The following INTS13 variants were observed in gnomAD, a reference collection of about 807,000 sequenced individuals.
The protein encoded by INTS13 is asunder, spermatogenesis regulator homolog (Drosphila).
A neutral mutation model predicts 90.2 loss-of-function variants in INTS13; 35 were observed. That is an observed-to-expected ratio of 0.39 (90% CI 0.30 to 0.51). The LOEUF is 0.51. Ranked by LOEUF, INTS13 falls within the 20% of genes least tolerant of loss-of-function variation. The pLI is 0.80. For synonymous variants in INTS13, 309 were observed against 277.1 expected, an observed-to-expected ratio of 1.11 and a Z score of -1.14; for missense variants, 601 against 851.2, an observed-to-expected ratio of 0.71 and a Z score of 3.66.
chr12:26,930,564 T>G (rs1036874802), intron 3 of INTS13, among the ~76,000 whole-genome samples: 2 of 152,242 alleles, frequency 1.3e-5, no homozygotes, highest in Admixed American at 6.5e-5. Context: ...TATACATTCT[T>G]GAACACCAGT....
intron 11 of INTS13, among the ~76,000 whole-genome samples, chr12:26,914,843 C>CT (rs921058475): frequency 6.6e-6 from 1 of 152,140 alleles, no homozygotes; most frequent in African/African-American, 2.4e-5. Context: ...CCAAGGAACA[C>CT]TTTTTTTCCC....
chr12:26,913,173 A>G (rs780953158), intron 14 of INTS13, among the ~76,000 whole-genome samples: 22 of 152,216 alleles, frequency 1.4e-4, no homozygotes, highest in Non-Finnish European at 2.9e-4. Context: ...TGAAGTTCAC[A>G]ACACATAAAG....
chr12:26,905,315 T>A lies in INTS13; in HGVS notation c.*182A>T, dbSNP rs528619028. On this transcript the variant is annotated 3_prime_UTR_variant, in exon 17 of 17. Coordinates refer to ENST00000261191, the MANE Select transcript of INTS13 (RefSeq NM_018164.3). ...ATTTGGGAGGACAAATCATCTCAAATGTATATTTTTGAATTATGTGCCAAT... is the reference window on the plus strand; with the variant it reads ...ATTTGGGAGGACAAATCATCTCAAAAGTATATTTTTGAATTATGTGCCAAT... 5.4e-6 allele frequency: 3 copies of A among 552,182 alleles called. No individual in the cohort carries two copies. Among genetic ancestry groups the A allele is most frequent in the Non-Finnish European group, 6.2e-6 (2 of 321,906 alleles). The allele number at this position is 552,182 out of a possible 1,614,324, so 34.2% of individuals were successfully genotyped here. A position where few individuals can be genotyped will look rare whatever the true frequency, so the allele number is the denominator to read the frequency against.
At chr12:26,919,013 A>C (rs1212044377) in intron 8 of INTS13, 1 of 374,796 alleles carries the variant, frequency 2.7e-6, no homozygotes, top group Non-Finnish European at 5.5e-6. Flanking sequence ...AAAAAATACA[A>C]AAATTAGCCA....
chr12:26,932,342 C>A (rs1225537924), intron 3 of INTS13, among the ~76,000 whole-genome samples: 3 of 152,078 alleles, frequency 2.0e-5, no homozygotes, highest in Admixed American at 2.0e-4. Context: ...ACTAGAGGCA[C>A]CAATTACCAA....
At chr12:26,925,952 GC>G in intron 5 of INTS13, 101 bp from the exon 6 acceptor site, 2 of 776,120 alleles carry the variant, frequency 2.6e-6, no homozygotes, top group Non-Finnish European at 4.2e-6. Flanking sequence ...ACATCATATT[GC>G]TACAATTAGA....
intron 10 of INTS13, 133 bp from the exon 11 acceptor site, chr12:26,916,313 G>A (rs952486345): frequency 1.3e-6 from 1 of 788,234 alleles, no homozygotes; most frequent in African/African-American, 1.7e-5. Flanking sequence ...CTAATTTAGT[G>A]TATCTACTCT....
chr12:26,911,113 G>A, intron 15 of INTS13, 65 bp downstream of exon 15: 1 of 1,536,474 alleles, frequency 6.5e-7, no homozygotes, highest in Non-Finnish European at 8.8e-7. Flanking sequence ...GGGATTACAG[G>A]GGTAAGCCAC....
chr12:26,930,196 G>T (rs1938116035), intron 3 of INTS13, among the ~76,000 whole-genome samples: 1 of 152,184 alleles, frequency 6.6e-6, no homozygotes, highest in Non-Finnish European at 1.5e-5. Context: ...CATGCTCATG[G>T]ATTGGAAGAG....
At chr12:26,925,680 G>A (rs1937828108) in intron 6 of INTS13, 81 bp downstream of exon 6, 1 of 1,154,852 alleles carries the variant, frequency 8.7e-7, no homozygotes, top group African/African-American at 1.6e-5. Context: ...TATTGGCAAT[G>A]GATCATTTTA....
chr12:26,937,785 G>C lies in INTS13; in HGVS notation c.-12+11C>G, dbSNP rs1938557050. On this transcript the variant is annotated intron_variant, in intron 1 of 16. Coordinates refer to ENST00000261191, the MANE Select transcript of INTS13 (RefSeq NM_018164.3). ...TGGATAGGGAAGACCTCAGGATCGA[G>C]GTTCGCTTACTTTCGTGCCTGGTCC... The C allele has an allele frequency of 6.5e-6, 1 of 152,726 alleles. No individual in the cohort carries two copies. The highest frequency in any genetic ancestry group is 2.1e-4 in the South Asian group (1 of 4,836). The allele number at this position is 152,726 out of a possible 1,614,324, so 9.5% of individuals were successfully genotyped here.
At chr12:26,912,649 G>T (rs61923393) in intron 14 of INTS13, among the ~76,000 whole-genome samples, 15,460 of 151,816 alleles carry the variant, frequency 0.1, 1,050 homozygotes, top group East Asian at 0.16. Context: ...TTTCAGAATA[G>T]ACTGTATGCC....
At chr12:26,931,288 C>T (rs185213433) in intron 3 of INTS13, among the ~76,000 whole-genome samples, 35 of 151,878 alleles carry the variant, frequency 2.3e-4, no homozygotes, top group Admixed American at 2.2e-3. Context: ...ACGAAAAATA[C>T]AAAAAATTAG....
chr12:26,920,600 C>G (rs1262800153), intron 8 of INTS13, among the ~76,000 whole-genome samples: 1 of 152,058 alleles, frequency 6.6e-6, no homozygotes, highest in East Asian at 1.9e-4. Context: ...GGGGTTTCAC[C>G]ATGTTGGCCA....
At chr12:26,919,006 A>G (rs1366535082) in intron 8 of INTS13, 7 of 368,016 alleles carry the variant, frequency 1.9e-5, no homozygotes, top group African/African-American at 1.0e-4. Context: ...TCTATGGAAA[A>G]AATACAAAAA....
chr12:26,914,808 A>G (rs1364123363), intron 11 of INTS13, among the ~76,000 whole-genome samples: 1 of 152,182 alleles, frequency 6.6e-6, no homozygotes, highest in Non-Finnish European at 1.5e-5. Flanking sequence ...CATTCATGGT[A>G]TGTTTTCCCC....
At position 26,917,389 on chromosome 12, in the gene INTS13, A is replaced by G; in HGVS notation, c.1032T>C (p.Ser344=). 6.4e-7 allele frequency: 1 copy of G among 1,567,524 alleles called. No homozygotes were observed. The highest frequency in any genetic ancestry group is 1.2e-5 in the South Asian group (1 of 83,874). The change falls in exon 10 of 17, where the codon AGT becomes AGC. Residue 344 remains serine (S), a synonymous_variant. Coordinates refer to ENST00000261191, the MANE Select transcript of INTS13 (RefSeq NM_018164.3). ...AATTAGTAAGGCAGGAGGAAGGTCT[A>G]CTATTTACATCTACAGGTGAAATCC... is the stretch of plus-strand genomic sequence containing the variant. ...AYRISPVDVN[S]RPSSCLTNFL...
chr12:26,906,257 T>TA lies in INTS13; in HGVS notation c.2081+44dup, dbSNP rs146283660. On this transcript the variant is annotated intron_variant, in intron 16 of 16. Coordinates refer to ENST00000261191, the MANE Select transcript of INTS13 (RefSeq NM_018164.3). ...ATAAGCAATGATTGTTAAGGTACTA[T>TA]ACAGGCAATTGACAAAACCAATTTT... The TA allele has an allele frequency of 8.5e-4, 1,307 of 1,545,672 alleles. 24 individuals are homozygous for TA. The East Asian group carries it at 0.026, about 31-fold the overall frequency.
intron 14 of INTS13, among the ~76,000 whole-genome samples, chr12:26,912,445 A>G (rs1366452824): frequency 1.3e-5 from 2 of 152,190 alleles, no homozygotes; most frequent in Non-Finnish European, 2.9e-5. Flanking sequence ...TCAAAAAAAT[A>G]AATAAAAATT....
Sources: gnomAD v4.1 joint callset for allele counts (sites outside exome capture counted in the v4.1 genomes callset) on GRCh38, gnomAD v4.1.1 for gene constraint, MANE v1.5 for transcripts, NCBI Gene and HGNC (gene_info 2026-07-23, HGNC 2026-07-21) for gene names.